The following AP1G2 variants were observed in gnomAD, a reference collection of about 807,000 sequenced individuals.
The protein encoded by AP1G2 is AP-1 complex subunit gamma-like 2.
In AP1G2, 85 loss-of-function variants were observed where a neutral mutation model predicts 95.8. The observed-to-expected ratio is 0.89, with a 90% confidence interval of 0.74 to 1.06. The LOEUF (loss-of-function observed/expected upper bound fraction) is 1.06, where lower values mean the gene tolerates loss of function less well. Ranked by LOEUF, AP1G2 falls within the 50% of genes least tolerant of loss-of-function variation. The pLI is 0.00. For missense variants in AP1G2, 967 were observed against 1,005.8 expected (o/e 0.96, Z 0.52); for synonymous variants, 378 against 400.0 (o/e 0.94, Z 0.66).
chr14:23,560,285 G>A lies in AP1G2; in HGVS notation c.2127C>T (p.Thr709=). 4 of 1,613,856 alleles carry A rather than the reference G, an allele frequency of 2.5e-6. No individual in the cohort carries two copies. Among genetic ancestry groups the A allele is most frequent in the Non-Finnish European group, 3.4e-6 (4 of 1,180,030 alleles). ...TATNFSEGDV[T]HFICQAAVPK... is the part of the protein sequence containing the mutation. ...GCACAGCAGCCTGGCAGATGAAATG[G>A]GTGACATCACCCTCTGAGAAGTTGG... Residue 709 remains threonine (T), a synonymous_variant, in exon 20 of 22, where the codon ACC becomes ACT. Transcript: ENST00000397120.
In AP1G2 at chr14:23,563,486, C is replaced by T. The variant is rs200923646; in HGVS notation, c.1304G>A (p.Arg435Gln). 54 of 1,614,162 alleles carry T rather than the reference C, an allele frequency of 3.3e-5. No homozygotes were observed. In the East Asian group the frequency reaches 5.8e-4, roughly 17 times the overall value. The change falls in exon 14 of 22, where the codon CGG (arginine) becomes CAG (glutamine). Residue 435 changes from arginine (R) to glutamine (Q), a missense_variant. Coordinates refer to ENST00000397120, the MANE Select transcript of AP1G2 (RefSeq NM_003917.5). Reference protein sequence around the residue: ...HVLTTAGTHVRDDAVANLTQL... With the variant: ...HVLTTAGTHVQDDAVANLTQL... ...GGTCAGGTTGGCCACTGCATCATCCCGCACATGGGTGCCCGCCTGGAAGGT... is the reference window on the plus strand; with the variant it reads ...GGTCAGGTTGGCCACTGCATCATCCTGCACATGGGTGCCCGCCTGGAAGGT...
At chr14:23,566,193 G>C (rs1887862194) in intron 4 of AP1G2, 33 bp from the exon 5 acceptor site, 1 of 1,595,770 alleles carries the variant, frequency 6.3e-7, no homozygotes, top group African/African-American at 1.3e-5. Flanking sequence ...ACAGGGGTCA[G>C]AGGAGATGGA....
At chr14:23,562,454 C>T in intron 15 of AP1G2, 39 bp from the exon 16 acceptor site, 1 of 1,613,820 alleles carries the variant, frequency 6.2e-7, no homozygotes, top group Non-Finnish European at 8.5e-7. Context: ...TGGTGCAAGT[C>T]CTGTCCCCCT....
rs1475449896 is a variant in AP1G2, at chr14:23,559,705, G to T, written c.*44C>A. On this transcript the variant is annotated 3_prime_UTR_variant, in exon 22 of 22. Transcript: ENST00000397120. ...AGGTTCGAAGCTGCTGGGGCCCCCT[G>T]GGGTTTGGGACACAGGAGAATTTCA... The T allele has an allele frequency of 6.3e-7, 1 of 1,598,178 alleles. No homozygotes were observed. The highest frequency in any genetic ancestry group is 1.1e-5 in the South Asian group (1 of 89,846).
At chr14:23,565,914 T>C (rs1315638683) in intron 5 of AP1G2, 22 bp from the exon 6 acceptor site, 1 of 1,598,514 alleles carries the variant, frequency 6.3e-7, no homozygotes. Flanking sequence ...GTCGGGGAAG[T>C]GAATGGTGGG....
chr14:23,562,323 G>A lies in AP1G2; in HGVS notation c.1593C>T (p.Leu531=). The change falls in exon 16 of 22, where the codon CTC becomes CTT. Residue 531 remains leucine (L), a synonymous_variant. Coordinates refer to ENST00000397120, the MANE Select transcript of AP1G2 (RefSeq NM_003917.5). ...CACAGAGGCGAGTGCTGAGCTTCATGAGGGCTGTGAGGGCATATCCTCGAG... is the reference window on the plus strand; with the variant it reads ...CACAGAGGCGAGTGCTGAGCTTCATAAGGGCTGTGAGGGCATATCCTCGAG... The part of the protein sequence containing the change: ...PATRGYALTA[L]MKLSTRLCGD... The A allele has an allele frequency of 6.2e-7, 1 of 1,614,226 alleles. No individual in the cohort carries two copies. The highest frequency in any genetic ancestry group is 1.6e-4 in the Middle Eastern group (1 of 6,062).
At chr14:23,562,155 C>T in intron 16 of AP1G2, 89 bp from the exon 17 acceptor site, 1 of 1,591,680 alleles carries the variant, frequency 6.3e-7, no homozygotes, top group Non-Finnish European at 8.6e-7. Flanking sequence ...GGGAAATACC[C>T]AGATTTGGCT....
At chr14:23,563,353 C>G in intron 14 of AP1G2, 27 bp downstream of exon 14, 1 of 1,566,070 alleles carries the variant, frequency 6.4e-7, no homozygotes, top group Non-Finnish European at 8.6e-7. Flanking sequence ...TTGGGCAGCC[C>G]TGGGCCTAGG....
In AP1G2 at chr14:23,559,990, G is replaced by A; in HGVS notation, c.2204C>T (p.Ala735Val). The change falls in exon 21 of 22, where the codon GCT becomes GTT. Residue 735 changes from alanine to valine, a missense_variant. Ala to Val is a moderately conservative substitution (Grantham distance 64). Coordinates refer to ENST00000397120, the MANE Select transcript of AP1G2 (RefSeq NM_003917.5). ...LQAPSGNTVP[A>V]RGGLPITQLF... Reference sequence around the variant, plus strand: ...CTGGGTGATAGGAAGGCCACCCCGAGCTGGAACTGTGTTCCCACTGGGGGC... The same window carrying A: ...CTGGGTGATAGGAAGGCCACCCCGAACTGGAACTGTGTTCCCACTGGGGGC... 1 of 1,613,024 alleles carries A rather than the reference G, an allele frequency of 6.2e-7. No homozygotes were observed. The highest frequency in any genetic ancestry group is 2.2e-5 in the East Asian group (1 of 44,876).
At chr14:23,562,854 G>A in intron 14 of AP1G2, 1 of 536,758 alleles carries the variant, frequency 1.9e-6, no homozygotes. Flanking sequence ...GTGCAGAGAT[G>A]GTGGGGGGTT....
At position 23,565,099 on chromosome 14, in the gene AP1G2, A is replaced by G. The variant is rs1412779672; in HGVS notation, c.822+20T>C. ...GGGTCTCCAAGCAACACAGCTAACC[A>G]GTGCCCTCCCAGGCCCCACCTGGGC... On this transcript the variant is annotated intron_variant, in intron 8 of 21. Coordinates refer to ENST00000397120, the MANE Select transcript of AP1G2 (RefSeq NM_003917.5). 2 of 1,613,360 alleles carry G rather than the reference A, an allele frequency of 1.2e-6. No individual in the cohort carries two copies. The highest frequency in any genetic ancestry group is 1.3e-5 in the African/African-American group (1 of 74,920).
In AP1G2 at chr14:23,561,245, G is replaced by A. The variant is rs117249246; in HGVS notation, c.1993+51C>T. On this transcript the variant is annotated intron_variant, in intron 19 of 21. Coordinates refer to ENST00000397120, the MANE Select transcript of AP1G2 (RefSeq NM_003917.5). ...AGCCCTTGGCTTAGGAGGAGGAGCA[G>A]TACATTTCCACCTACCTTCTCTAAG... 1.5e-4 allele frequency: 221 copies of A among 1,511,212 alleles called. 1 individual carries two copies. In the East Asian group the frequency reaches 4.6e-3, roughly 31 times the overall value. The allele number at this position is 1,511,212 out of a possible 1,614,324, so 93.6% of individuals were successfully genotyped here.
Position 23,567,555 on chromosome 14 carries a change from C to T in AP1G2, c.-6+184G>A. The T allele has an allele frequency of 7.6e-7, 1 of 1,319,066 alleles. No homozygotes were observed. Among genetic ancestry groups the T allele is most frequent in the Non-Finnish European group, 9.6e-7 (1 of 1,039,534 alleles). The allele number at this position is 1,319,066 out of a possible 1,614,324, so 81.7% of individuals were successfully genotyped here. On this transcript the variant is annotated intron_variant, in intron 1 of 21. Transcript: ENST00000397120. The surrounding 1 kb of genome is among the most constrained non-coding windows in gnomAD (Gnocchi z 5.3). ...GGCGCCCCTTCCTATTGAGCATGCG[C>T]GGGAGCCCCACCTATTTCTCTCTAC...
intron 9 of AP1G2, 59 bp downstream of exon 9, chr14:23,564,503 G>C: frequency 6.2e-7 from 1 of 1,600,750 alleles, no homozygotes; most frequent in Non-Finnish European, 8.6e-7. Context: ...CAGCAAGCAG[G>C]ACCTGTGTGG....
At chr14:23,560,082 C>T (rs200357528) in intron 20 of AP1G2, 46 bp from the exon 21 acceptor site, 1 of 1,451,966 alleles carries the variant, frequency 6.9e-7, no homozygotes, top group East Asian at 2.3e-5. Context: ...GTAGGTAGGG[C>T]TCAGGCAGCC....
chr14:23,559,685 C>T lies in AP1G2; in HGVS notation c.*64G>A, dbSNP rs911462080. The stretch of plus-strand genomic sequence containing the variant: ...TGCTGGTAGCCCTCAGGTGTAGGTT[C>T]GAAGCTGCTGGGGCCCCCTGGGGTT... On this transcript the variant is annotated 3_prime_UTR_variant, in exon 22 of 22. Coordinates refer to ENST00000397120, the MANE Select transcript of AP1G2 (RefSeq NM_003917.5). 6.0e-6 allele frequency: 9 copies of T among 1,502,378 alleles called. No homozygotes were observed. Among genetic ancestry groups the T allele is most frequent in the South Asian group, 3.5e-5 (3 of 86,306 alleles). 93.1% of individuals were successfully genotyped at this position (1,502,378 alleles called of 1,614,324 possible). A position where few individuals can be genotyped will look rare whatever the true frequency, so the allele number is the denominator to read the frequency against.
chr14:23,565,134 A>C lies in AP1G2; in HGVS notation c.807T>G (p.Asn269Lys). 1 of 1,614,232 alleles carries C rather than the reference A, an allele frequency of 6.2e-7. No individual in the cohort carries two copies. Among genetic ancestry groups the C allele is most frequent in the Non-Finnish European group, 8.5e-7 (1 of 1,180,040 alleles). ...RNHEESSETM[N>K]DLLAQVATNT... ...CAGGCCCCACCTGGGCCAGCAAGTC[A>C]TTCATGGTCTCACTGCTCTCCTCGT... The change falls in exon 8 of 22, where the codon AAT becomes AAG. Residue 269 changes from asparagine (N) to lysine (K), a missense_variant. Transcript: ENST00000397120.
In AP1G2 at chr14:23,565,156, T is replaced by C; in HGVS notation, c.785A>G (p.Glu262Gly). 6.2e-7 allele frequency: 1 copy of C among 1,614,208 alleles called. No individual in the cohort carries two copies. Among genetic ancestry groups the C allele is most frequent in the South Asian group, 1.1e-5 (1 of 91,080 alleles). Reference protein sequence around the residue: ...RLLRILGRNHEESSETMNDLL... With the variant: ...RLLRILGRNHGESSETMNDLL... Reference sequence around the variant, plus strand: ...GTCATTCATGGTCTCACTGCTCTCCTCGTGGTTCCGGCCCAGGATCCGAAG... The same window carrying C: ...GTCATTCATGGTCTCACTGCTCTCCCCGTGGTTCCGGCCCAGGATCCGAAG... The change falls in exon 8 of 22, where the codon GAG becomes GGG. Residue 262 changes from glutamate to glycine, a missense_variant. Physicochemically the swap from Glu to Gly is moderately conservative, Grantham distance 98. Transcript: ENST00000397120.
In AP1G2 at chr14:23,559,702, C is replaced by T. The variant is rs768677525; in HGVS notation, c.*47G>A. The T allele has an allele frequency of 1.8e-5, 29 of 1,595,574 alleles. No individual in the cohort carries two copies. The highest frequency in any genetic ancestry group is 2.2e-5 in the East Asian group (1 of 44,582). ...TGTAGGTTCGAAGCTGCTGGGGCCC[C>T]CTGGGGTTTGGGACACAGGAGAATT... On this transcript the variant is annotated 3_prime_UTR_variant, in exon 22 of 22. Transcript: ENST00000397120.
Sources: gnomAD v4.1 joint callset for allele counts on GRCh38, gnomAD v4.1.1 for gene constraint, Gnocchi (gnomAD v3.1) non-coding constraint, MANE v1.5 for transcripts, NCBI Gene and HGNC (gene_info 2026-07-23, HGNC 2026-07-21) for gene names.